The following ZNF385D variants were observed in gnomAD, a reference collection of about 807,000 sequenced individuals.
ZNF385D encodes the protein zinc finger protein 385D, also known as zinc finger protein 659.
ZNF385D carries 15 observed loss-of-function variants against 35.8 expected under a neutral mutation model. That is an observed-to-expected ratio of 0.42 (90% CI 0.28 to 0.64). The LOEUF (loss-of-function observed/expected upper bound fraction) is 0.64. ZNF385D is among the 30% of genes least tolerant of loss of function. ZNF385D has a pLI of 0.23. For synonymous variants in ZNF385D, 212 were observed against 186.8 expected, an observed-to-expected ratio of 1.13 and a Z score of -1.10; for missense variants, 474 against 494.6, an observed-to-expected ratio of 0.96 and a Z score of 0.39.
At chr3:21,595,510 T>C (rs2064104591) in intron 2 of ZNF385D, among the ~76,000 whole-genome samples, 1 of 148,836 alleles carries the variant, frequency 6.7e-6, no homozygotes, top group Admixed American at 6.7e-5. Flanking sequence ...ATGTAATATA[T>C]ACATAGATAT....
At chr3:21,931,883 C>T (rs1701025363) in intron 3 of ZNF385D, among the ~76,000 whole-genome samples, 2 of 151,742 alleles carry the variant, frequency 1.3e-5, no homozygotes, top group African/African-American at 2.4e-5. Context: ...GACTTGAGGC[C>T]GGGCGCGGTG....
At chr3:21,628,618 C>A (rs1559472221) in intron 2 of ZNF385D, among the ~76,000 whole-genome samples, 1 of 152,040 alleles carries the variant, frequency 6.6e-6, no homozygotes, top group Non-Finnish European at 1.5e-5. Context: ...TTGCTAAATT[C>A]CATTTTGTGG....
At chr3:21,578,896 C>A (rs1481028478) in intron 2 of ZNF385D, among the ~76,000 whole-genome samples, 2 of 152,068 alleles carry the variant, frequency 1.3e-5, no homozygotes, top group African/African-American at 4.8e-5. Context: ...ATAAGGATTG[C>A]ATTTTTTTAG....
intron 3 of ZNF385D, among the ~76,000 whole-genome samples, chr3:21,955,291 A>G (rs9843192): frequency 0.029 from 4,355 of 152,222 alleles, 217 homozygotes; most frequent in African/African-American, 0.098. Flanking sequence ...GATGGAAACT[A>G]AAGTTCTTAC....
chr3:22,022,467 G>C (rs1697285640), intron 3 of ZNF385D, among the ~76,000 whole-genome samples: 12 of 152,016 alleles, frequency 7.9e-5, no homozygotes, highest in Admixed American at 7.9e-4. Context: ...AAAATGAACA[G>C]CATCAAGAAA....
chr3:21,919,026 T>C (rs753979803), intron 3 of ZNF385D, among the ~76,000 whole-genome samples: 1 of 152,224 alleles, frequency 6.6e-6, no homozygotes, highest in Non-Finnish European at 1.5e-5. Flanking sequence ...TATCAGATTG[T>C]TTCATAATGC....
At chr3:21,722,147 G>T (rs1189257464) in intron 1 of ZNF385D, among the ~76,000 whole-genome samples, 4 of 151,640 alleles carry the variant, frequency 2.6e-5, no homozygotes, top group Non-Finnish European at 2.9e-5. Context: ...GAGAGCAGCA[G>T]GGGTGGTGCT....
At chr3:21,855,864 ATT>A (rs11360065) in intron 3 of ZNF385D, among the ~76,000 whole-genome samples, 2 of 150,410 alleles carry the variant, frequency 1.3e-5, no homozygotes, top group African/African-American at 4.9e-5. Context: ...ATATCCTATG[ATT>A]TTTTTTTTAG....
chr3:21,602,486 A>G (rs1259888573), intron 2 of ZNF385D, among the ~76,000 whole-genome samples: 1 of 147,776 alleles, frequency 6.8e-6, no homozygotes, highest in African/African-American at 2.5e-5. Context: ...AACCAAGAGT[A>G]GAATTTAGGT....
chr3:21,950,253 C>G (rs547759260), intron 3 of ZNF385D, among the ~76,000 whole-genome samples: 2 of 151,934 alleles, frequency 1.3e-5, no homozygotes, highest in African/African-American at 2.4e-5. Flanking sequence ...ACCATTCTAA[C>G]TGGCATGAGA....
intron 1 of ZNF385D, among the ~76,000 whole-genome samples, chr3:21,702,988 C>G (rs548867298): frequency 1.2e-3 from 176 of 152,320 alleles, no homozygotes; most frequent in African/African-American, 4.1e-3. Context: ...GCCCTCTAAA[C>G]TGTTCCAACC....
At chr3:22,081,340 G>A (rs976770837) in intron 3 of ZNF385D, among the ~76,000 whole-genome samples, 1 of 152,078 alleles carries the variant, frequency 6.6e-6, no homozygotes, top group African/African-American at 2.4e-5. Flanking sequence ...CCATTTAGTA[G>A]CTCCATTCTT....
chr3:22,222,360 C>T (rs940866394), intron 2 of ZNF385D, among the ~76,000 whole-genome samples: 7 of 152,160 alleles, frequency 4.6e-5, no homozygotes, highest in African/African-American at 1.7e-4. Context: ...AGATAATAAC[C>T]TACTGAATGA....
intron 2 of ZNF385D, among the ~76,000 whole-genome samples, chr3:22,340,709 A>G (rs1256316904): frequency 6.6e-6 from 1 of 152,178 alleles, no homozygotes; most frequent in African/African-American, 2.4e-5. Context: ...ATACAAGTAC[A>G]TGATAGGACC....
chr3:21,473,259 T>A (rs1353112876), intron 4 of ZNF385D, among the ~76,000 whole-genome samples: 1 of 152,020 alleles, frequency 6.6e-6, no homozygotes, highest in Admixed American at 6.6e-5. Context: ...CTGTGGAGGA[T>A]GTGGTGGTCT....
intron 3 of ZNF385D, among the ~76,000 whole-genome samples, chr3:21,803,557 T>C (rs1284453360): frequency 6.6e-6 from 1 of 152,170 alleles, no homozygotes; most frequent in East Asian, 1.9e-4. Context: ...AAAAAATATA[T>C]TTTCTTTAAA....
chr3:22,125,673 T>C (rs1195276681), intron 3 of ZNF385D, among the ~76,000 whole-genome samples: 1 of 152,140 alleles, frequency 6.6e-6, no homozygotes, highest in African/African-American at 2.4e-5. Flanking sequence ...TCAGGTATTT[T>C]ATTGGTAGCC....
chr3:22,104,346 T>A (rs1203269202), intron 3 of ZNF385D, among the ~76,000 whole-genome samples: 1 of 152,170 alleles, frequency 6.6e-6, no homozygotes, highest in Non-Finnish European at 1.5e-5. Context: ...GATGACGTTT[T>A]ATTACTCGTT....
At chr3:22,302,410 G>C (rs1458648230) in intron 2 of ZNF385D, among the ~76,000 whole-genome samples, 1 of 150,938 alleles carries the variant, frequency 6.6e-6, no homozygotes, top group Non-Finnish European at 1.5e-5. Flanking sequence ...AATTGTATTG[G>C]TATATGCAAT....
Sources: allele counts gnomAD v4.1 joint callset (sites outside exome capture counted in the v4.1 genomes callset), GRCh38; gene constraint gnomAD v4.1.1; transcripts MANE v1.5; gene names NCBI Gene and HGNC (gene_info 2026-07-23, HGNC 2026-07-21).